Variants in DOK7 observed in about 807,000 individuals in gnomAD.
DOK7 encodes protein Dok-7.
DOK7 carries 32 observed loss-of-function variants against 30.7 expected under a neutral mutation model. The observed-to-expected ratio is 1.04, with a 90% CI of 0.79 to 1.40. The LOEUF (loss-of-function observed/expected upper bound fraction) is 1.40, where lower values mean the gene tolerates loss of function less well. Among genes scored for constraint, DOK7 ranks in the 40% most tolerant of loss-of-function variants. The pLI is 0.00. For missense variants in DOK7, 1,007 were observed against 699.2 expected (o/e 1.44, Z -4.97); for synonymous variants, 447 against 324.1 (o/e 1.38, Z -4.07).
Position 3,494,446 on chromosome 4 carries a change from G to C in DOK7, c.*945G>C, listed in dbSNP as rs758115356. 4.2e-5 allele frequency: 41 copies of C among 978,708 alleles called. No homozygotes were observed. The highest frequency in any genetic ancestry group is 7.7e-5 in the African/African-American group (4 of 51,994). The allele number at this position is 978,708 out of a possible 1,614,324, so 60.6% of individuals were successfully genotyped here. ...TCAGCTGTTTCTAAACCCAGACACTGTTTGTAATAGACTGGAAATAAAATG... is the reference window on the plus strand; with the variant it reads ...TCAGCTGTTTCTAAACCCAGACACTCTTTGTAATAGACTGGAAATAAAATG... On this transcript the variant is annotated 3_prime_UTR_variant, in exon 7 of 7. Transcript: ENST00000340083.
At position 3,492,839 on chromosome 4, in the gene DOK7, C is replaced by T; in HGVS notation, c.853C>T (p.Pro285Ser). ...CGCCAGCAGCCGGCTCACCGCATGG[C>T]CAGAGCAATCCTCGTCGTCAGCCAG... ...VSASSRLTAW[P>S]EQSSSSASTS... Residue 285 changes from proline to serine, a missense_variant, in exon 7 of 7, where the codon CCA (proline) becomes TCA (serine). Physicochemically the swap from Pro to Ser is moderately conservative, Grantham distance 74 (BLOSUM62 -1). Transcript: ENST00000340083. 6.2e-6 allele frequency: 10 copies of T among 1,612,172 alleles called. No homozygotes were observed. The highest frequency in any genetic ancestry group is 1.1e-5 in the South Asian group (1 of 91,010).
At chr4:3,501,066 C>T (rs1388261823) in exon 8 of DOK7, 1 of 591,622 alleles carries the variant, frequency 1.7e-6, no homozygotes, top group Non-Finnish European at 2.8e-6. Flanking sequence ...CTCTGGACCC[C>T]AGGCTGACTG....
chr4:3,500,459 C>T, intron 7 of DOK7: 2 of 1,525,964 alleles, frequency 1.3e-6, no homozygotes, highest in Non-Finnish European at 1.8e-6. Flanking sequence ...ACCACAGCCT[C>T]AGGGCCCTGA....
chr4:3,482,868 C>T (rs548165782), intron 4 of DOK7, among the ~76,000 whole-genome samples: 8 of 151,852 alleles, frequency 5.3e-5, no homozygotes, highest in South Asian at 2.1e-4. Context: ...TGCTCCCTGC[C>T]GGCAAGGTGC....
chr4:3,470,640 G>T (rs375306970), intron 2 of DOK7, among the ~76,000 whole-genome samples: 11 of 152,196 alleles, frequency 7.2e-5, no homozygotes, highest in East Asian at 5.8e-4. Context: ...CCAGGAGTCG[G>T]CTCACTGTGG....
chr4:3,500,998 C>A (rs995771894), exon 8 of DOK7: 1 of 1,033,736 alleles, frequency 9.7e-7, no homozygotes, highest in Non-Finnish European at 1.4e-6. Flanking sequence ...TCAGGGCCCA[C>A]GGCCAGGCCT....
At chr4:3,466,212 C>T (rs899906178) in intron 2 of DOK7, among the ~76,000 whole-genome samples, 1 of 152,316 alleles carries the variant, frequency 6.6e-6, no homozygotes, top group Admixed American at 6.5e-5. Context: ...CCTTGCCCCC[C>T]ACAGCTGGCT....
In DOK7 at chr4:3,485,568, G is replaced by T; in HGVS notation, c.562G>T (p.Glu188Ter). The change falls in exon 5 of 7, where the codon GAG becomes TAG. Residue 188 changes from glutamate (E) to a stop codon, truncating the protein, a stop_gained. Coordinates refer to ENST00000340083, the MANE Select transcript of DOK7 (RefSeq NM_173660.5). LOFTEE classifies it high-confidence loss of function. ...WAGVFFLSSA[E>*]GEQISFLFDC... is the part of the protein sequence containing the mutation. ...TGGCGTCTTCTTCCTGTCCTCGGCC[G>T]AGGGGGAGCAGATCAGCTTCCTGTT... The T allele has an allele frequency of 6.2e-7, 1 of 1,606,360 alleles. No homozygotes were observed. The highest frequency in any genetic ancestry group is 8.5e-7 in the Non-Finnish European group (1 of 1,176,028).
intron 6 of DOK7, among the ~76,000 whole-genome samples, chr4:3,490,145 TCC>T (rs1191051081): frequency 3.9e-4 from 40 of 103,250 alleles, no homozygotes; most frequent in East Asian, 1.4e-3. Context: ...ATTCATTCCT[TCC>T]TTCCCCACCC....
At chr4:3,498,929 C>T (rs570211245), downstream of DOK7, among the ~76,000 whole-genome samples, 66 of 152,350 alleles carry the variant, frequency 4.3e-4, no homozygotes, top group African/African-American at 1.5e-3. Flanking sequence ...GGCTCCATCT[C>T]GCTCTGTCCC....
intron 2 of DOK7, among the ~76,000 whole-genome samples, chr4:3,464,602 T>G (rs1726169507): frequency 6.6e-6 from 1 of 152,092 alleles, no homozygotes; most frequent in Admixed American, 6.5e-5. Context: ...GATGACAGGC[T>G]TTAGTCAGCT....
rs759911314 is a variant in DOK7 at position 3,493,107 on chromosome 4, G to C, written c.1121G>C (p.Ser374Thr). ...ACAGATGAACTGGGCTCACTGCTCA[G>C]CCTGCCAGCAGCGGGGGCCCCCGAG... ...RATDELGSLLSLPAAGAPEPS... is the reference protein window; with the variant it reads ...RATDELGSLLTLPAAGAPEPS... The change falls in exon 7 of 7, where the codon AGC becomes ACC. Residue 374 changes from serine (S) to threonine (T), a missense_variant. By Grantham distance (58) the Ser-to-Thr change is moderately conservative. Coordinates refer to ENST00000340083, the MANE Select transcript of DOK7 (RefSeq NM_173660.5). 2 of 1,584,060 alleles carry C rather than the reference G, an allele frequency of 1.3e-6. No homozygotes were observed. Among genetic ancestry groups the C allele is most frequent in the Non-Finnish European group, 1.7e-6 (2 of 1,168,960 alleles).
Position 3,492,848 on chromosome 4 carries a change from T to G in DOK7, c.862T>G (p.Ser288Ala). The part of the protein sequence containing the change: ...SSRLTAWPEQ[S>A]SSSASTSQEG... ...CCGGCTCACCGCATGGCCAGAGCAA[T>G]CCTCGTCGTCAGCCAGCACGTCACA... Residue 288 changes from serine (S) to alanine (A), a missense_variant, in exon 7 of 7, where the codon TCC (serine) becomes GCC (alanine). Transcript: ENST00000340083. 6.2e-7 allele frequency: 1 copy of G among 1,611,478 alleles called. No homozygotes were observed. The highest frequency in any genetic ancestry group is 1.3e-5 in the African/African-American group (1 of 74,996).
chr4:3,482,056 C>G (rs1475302275), intron 4 of DOK7, among the ~76,000 whole-genome samples: 1 of 152,114 alleles, frequency 6.6e-6, no homozygotes, highest in Non-Finnish European at 1.5e-5. Context: ...CATGCTCTTT[C>G]CTCTTACCCT....
At chr4:3,480,528 A>G (rs1237952520) in intron 4 of DOK7, among the ~76,000 whole-genome samples, 2 of 152,202 alleles carry the variant, frequency 1.3e-5, no homozygotes, top group Non-Finnish European at 2.9e-5. Context: ...AAATCACTTG[A>G]ACCTGGGAGT....
intron 3 of DOK7, among the ~76,000 whole-genome samples, chr4:3,474,754 A>G (rs1279452671): frequency 1.3e-5 from 2 of 152,034 alleles, no homozygotes; most frequent in African/African-American, 4.8e-5. Context: ...CCTGGGAGGC[A>G]GAGGTTGCAA....
At chr4:3,500,237 C>G (rs574295832) in intron 6 of DOK7, 6 of 1,534,174 alleles carry the variant, frequency 3.9e-6, no homozygotes. Context: ...GCTTCACAGC[C>G]GCTCCCCCCA....
downstream of DOK7, among the ~76,000 whole-genome samples, chr4:3,496,573 G>C (rs1162054046): frequency 6.6e-6 from 1 of 152,232 alleles, no homozygotes; most frequent in Non-Finnish European, 1.5e-5. Context: ...TCCCCCATGG[G>C]TGGTTATGGG....
downstream of DOK7, chr4:3,496,688 T>C (rs976144026): frequency 4.3e-6 from 4 of 921,476 alleles, no homozygotes; most frequent in Non-Finnish European, 6.4e-6. Context: ...CGGGCTGGAC[T>C]CCCTGCAGGT....
Sources: gnomAD v4.1 joint callset for allele counts (sites outside exome capture counted in the v4.1 genomes callset) on GRCh38, gnomAD v4.1.1 for gene constraint, MANE v1.5 for transcripts, NCBI Gene and HGNC (gene_info 2026-07-23, HGNC 2026-07-21) for gene names.